UGP2: variants seen among roughly 807,000 people sequenced by gnomAD.
UGP2 encodes UTP--glucose-1-phosphate uridylyltransferase.
UGP2 carries 40 observed loss-of-function variants against 49.0 expected under a neutral mutation model. That is an observed-to-expected ratio of 0.82 (90% CI 0.63 to 1.06). UGP2 has a LOEUF of 1.06. Among genes scored for constraint, UGP2 ranks in the 50% least tolerant of loss-of-function variants. UGP2 has a pLI of 0.00. For synonymous variants in UGP2, 225 were observed against 213.0 expected, an observed-to-expected ratio of 1.06 and a Z score of -0.49; for missense variants, 460 against 603.5, an observed-to-expected ratio of 0.76 and a Z score of 2.49.
At chr2:63,865,776 T>A (rs1481280359) in intron 3 of UGP2, among the ~76,000 whole-genome samples, 1 of 151,980 alleles carries the variant, frequency 6.6e-6, no homozygotes, top group Non-Finnish European at 1.5e-5. Context: ...CTCAAGCGAT[T>A]CTCCTACCTA....
At chr2:63,860,863 T>G (rs980894037) in intron 3 of UGP2, among the ~76,000 whole-genome samples, 17 of 151,484 alleles carry the variant, frequency 1.1e-4, no homozygotes, top group African/African-American at 4.1e-4. Flanking sequence ...CTTAACCACT[T>G]TTTAGATAAA....
intron 5 of UGP2, among the ~76,000 whole-genome samples, chr2:63,884,575 C>T (rs1671528510): frequency 6.6e-6 from 1 of 151,968 alleles, no homozygotes; most frequent in Admixed American, 6.6e-5. Context: ...AATAAGACTT[C>T]CATTTAAGGG....
chr2:63,862,054 A>G (rs1255065914), intron 3 of UGP2, among the ~76,000 whole-genome samples: 7 of 152,008 alleles, frequency 4.6e-5, no homozygotes, highest in Admixed American at 3.9e-4. Flanking sequence ...AAAGAAAAAA[A>G]TCTTGAGGCA....
chr2:63,851,771 A>G (rs1669056669), intron 1 of UGP2, among the ~76,000 whole-genome samples: 1 of 152,194 alleles, frequency 6.6e-6, no homozygotes, highest in Non-Finnish European at 1.5e-5. Context: ...GGGTCTTTTT[A>G]TCCCATAAAT....
chr2:63,842,333 T>G, intron 1 of UGP2, 129 bp downstream of exon 1: 1 of 1,604,562 alleles, frequency 6.2e-7, no homozygotes, highest in Non-Finnish European at 8.5e-7. Context: ...CCCTTTTCGT[T>G]GAATTGTCAT....
chr2:63,857,793 T>C, intron 2 of UGP2, 36 bp from the exon 3 acceptor site: 2 of 1,557,410 alleles, frequency 1.3e-6, no homozygotes, highest in Non-Finnish European at 1.8e-6. Context: ...ATATTAAGCA[T>C]TCTGCTGGTT....
At position 63,884,105 on chromosome 2, in the gene UGP2, A is replaced by G. The variant is rs1040730295; in HGVS notation, c.575+12A>G. 5 of 1,611,034 alleles carry G rather than the reference A, an allele frequency of 3.1e-6. No homozygotes were observed. Among genetic ancestry groups the G allele is most frequent in the Non-Finnish European group, 4.2e-6 (5 of 1,179,424 alleles). On this transcript the variant is annotated intron_variant, in intron 5 of 9. Transcript: ENST00000337130. ...TTCAATCAAAGCAGGTACAATGAGTAAAAAATTAACTCTGGGTATGTTACT... is the reference window on the plus strand; with the variant it reads ...TTCAATCAAAGCAGGTACAATGAGTGAAAAATTAACTCTGGGTATGTTACT...
Position 63,882,620 on chromosome 2 carries a change from C to G in UGP2, c.410C>G (p.Thr137Ser). The part of the protein sequence containing the change: ...KSLIGVRNEN[T>S]FLDLTVQQIE... ...CTGATTGGTGTGAGGAATGAGAATA[C>G]CTTTCTGGATCTGACTGTTCAGCAA... Residue 137 changes from threonine (T) to serine (S), a missense_variant, in exon 4 of 10, where the codon ACC (threonine) becomes AGC (serine). Thr to Ser is a moderately conservative substitution (Grantham distance 58, BLOSUM62 1). Around this residue, in one of 2 missense-constraint regions of UGP2, gnomAD observed 317 missense variants for 473.0 expected, o/e 0.67. Transcript: ENST00000337130. 1 of 1,598,462 alleles carries G rather than the reference C, an allele frequency of 6.3e-7. No individual in the cohort carries two copies.
At chr2:63,882,874 C>T in intron 4 of UGP2, 5 of 304,302 alleles carry the variant, frequency 1.6e-5, no homozygotes, top group Non-Finnish European at 2.9e-5. Flanking sequence ...TTGTTGAAAT[C>T]TCTGGGTCTG....
At chr2:63,887,328 A>G in intron 7 of UGP2, 74 bp from the exon 8 acceptor site, 1 of 1,554,174 alleles carries the variant, frequency 6.4e-7, no homozygotes, top group South Asian at 1.2e-5. Flanking sequence ...CCAAATATTA[A>G]CTAACCTACA....
Position 63,882,639 on chromosome 2 carries a change from T to C in UGP2, c.429T>C (p.Val143=). ...AGAATACCTTTCTGGATCTGACTGT[T>C]CAGCAAATTGAAGTGAGTAACATTT... ...RNENTFLDLT[V]QQIEHLNKTY... Residue 143 remains valine, a synonymous_variant, in exon 4 of 10, where the codon GTT becomes GTC. Transcript: ENST00000337130. 6.4e-7 allele frequency: 1 copy of C among 1,569,960 alleles called. No individual in the cohort carries two copies. The highest frequency in any genetic ancestry group is 8.7e-7 in the Non-Finnish European group (1 of 1,149,980).
chr2:63,850,368 AAT>A (rs1283009241), intron 1 of UGP2, among the ~76,000 whole-genome samples: 29 of 152,218 alleles, frequency 1.9e-4, no homozygotes, highest in African/African-American at 6.5e-4. Flanking sequence ...GTCATCTAAA[AAT>A]ATATCTCAGT....
At chr2:63,887,764 G>C in intron 8 of UGP2, 120 bp downstream of exon 8, 1 of 1,295,826 alleles carries the variant, frequency 7.7e-7, no homozygotes, top group South Asian at 1.5e-5. Context: ...GTATTCCTCT[G>C]TCTTTGATAC....
rs1471666552 is a variant in UGP2 at position 63,885,894 on chromosome 2, C to A, written c.873+8C>A. On this transcript the variant is annotated splice_region_variant and intron_variant, in intron 6 of 9. Transcript: ENST00000337130. Reference sequence around the variant, plus strand: ...ACACGTGCAGATGTAAAGGTAAATACCGAGAGGAAGCAGTTTAGGGCTTCA... The same window carrying A: ...ACACGTGCAGATGTAAAGGTAAATAACGAGAGGAAGCAGTTTAGGGCTTCA... 1 of 1,550,670 alleles carries A rather than the reference C, an allele frequency of 6.4e-7. No individual in the cohort carries two copies. The highest frequency in any genetic ancestry group is 8.7e-7 in the Non-Finnish European group (1 of 1,153,026).
chr2:63,875,637 A>G (rs1377023037), intron 3 of UGP2, among the ~76,000 whole-genome samples: 1 of 152,228 alleles, frequency 6.6e-6, no homozygotes, highest in Non-Finnish European at 1.5e-5. Context: ...TCTTCAGTAG[A>G]TTGCCAATTA....
chr2:63,845,486 A>G (rs1671863305), intron 1 of UGP2, among the ~76,000 whole-genome samples: 1 of 150,428 alleles, frequency 6.6e-6, no homozygotes, highest in Admixed American at 6.6e-5. Context: ...TTCCTATTCC[A>G]GGTTTCATGT....
At chr2:63,866,403 T>C (rs944861777) in intron 3 of UGP2, among the ~76,000 whole-genome samples, 5 of 152,192 alleles carry the variant, frequency 3.3e-5, no homozygotes, top group African/African-American at 1.2e-4. Context: ...GTTCAGATGT[T>C]CTAAATAATT....
At position 63,883,950 on chromosome 2, in the gene UGP2, T is replaced by G; in HGVS notation, c.442-10T>G. On this transcript the variant is annotated splice_polypyrimidine_tract_variant and intron_variant, in intron 4 of 9. Coordinates refer to ENST00000337130, the MANE Select transcript of UGP2 (RefSeq NM_006759.4). ...AGTCTGGGTAATCTAATTGTCATTT[T>G]CCTCCCTAGCATTTGAATAAAACCT... 6.3e-7 allele frequency: 1 copy of G among 1,593,438 alleles called. No individual in the cohort carries two copies. Among genetic ancestry groups the G allele is most frequent in the Non-Finnish European group, 8.5e-7 (1 of 1,172,978 alleles).
At chr2:63,878,701 C>G (rs895298156) in intron 3 of UGP2, among the ~76,000 whole-genome samples, 17 of 152,114 alleles carry the variant, frequency 1.1e-4, no homozygotes, top group African/African-American at 4.1e-4. Flanking sequence ...GTACCTGGGA[C>G]TATAGGTGTG....
Sources: allele counts gnomAD v4.1 joint callset (sites outside exome capture counted in the v4.1 genomes callset), GRCh38; gene constraint gnomAD v4.1.1; regional missense constraint gnomAD v4.1.1; transcripts MANE v1.5; gene names NCBI Gene and HGNC (gene_info 2026-07-23, HGNC 2026-07-21).